The following DPP10 variants were observed in gnomAD, a reference collection of about 807,000 sequenced individuals.
DPP10 encodes inactive dipeptidyl peptidase 10.
A neutral mutation model predicts 120.9 loss-of-function variants in DPP10; 33 were observed. The ratio of observed to expected loss-of-function variants is 0.27; its 90% CI spans 0.21 to 0.37. The LOEUF (loss-of-function observed/expected upper bound fraction) is 0.37. DPP10 is among the 10% of genes least tolerant of loss of function. DPP10 has a pLI of 1.00. For missense variants in DPP10, 816 were observed against 942.8 expected (o/e 0.87, Z 1.76); for synonymous variants, 337 against 326.1 (o/e 1.03, Z -0.36).
At chr2:115,270,888 G>GTT (rs61252278) in intron 1 of DPP10, among the ~76,000 whole-genome samples, 2 of 111,926 alleles carry the variant, frequency 1.8e-5, no homozygotes, top group Non-Finnish European at 3.7e-5. Flanking sequence ...TCTTTATATT[G>GTT]TTTTTTTTTA....
rs139160098 is a variant in DPP10 at position 114,652,485 on chromosome 2, A to G, written c.60+209647A>G. On this transcript the variant is annotated intron_variant, in intron 1 of 25. Coordinates refer to ENST00000410059, the MANE Select transcript of DPP10 (RefSeq NM_020868.6). ...GTAGCTGGCATTAAATTAGTCCTGT[A>G]GAATGTGTTTGGAGATCATGTTGAT... Among the ~76,000 whole-genome samples the G allele has an allele frequency of 1.6e-3, 243 of 152,292 alleles. 2 individuals are homozygous for G. Among genetic ancestry groups the G allele is most frequent in the African/African-American group, 5.5e-3 (227 of 41,564 alleles).
chr2:115,325,110 G>A (rs1023874316), intron 2 of DPP10, among the ~76,000 whole-genome samples: 9 of 152,030 alleles, frequency 5.9e-5, no homozygotes, highest in East Asian at 3.9e-4. Flanking sequence ...GAGAATTACC[G>A]AAGTTTGACA....
intron 3 of DPP10, among the ~76,000 whole-genome samples, chr2:115,412,218 G>T (rs2104588950): frequency 6.6e-6 from 1 of 152,272 alleles, no homozygotes; most frequent in South Asian, 2.1e-4. Flanking sequence ...AGAAGCGCCT[G>T]TGTGGCAACT....
intron 3 of DPP10, among the ~76,000 whole-genome samples, chr2:115,403,661 C>T (rs1574728066): frequency 1.3e-5 from 2 of 152,104 alleles, no homozygotes; most frequent in Non-Finnish European, 1.5e-5. Flanking sequence ...GCTTCAGCCT[C>T]CCAAAGTGCT....
chr2:114,460,106 A>G (rs1200057666), intron 1 of DPP10, among the ~76,000 whole-genome samples: 1 of 152,194 alleles, frequency 6.6e-6, no homozygotes, highest in African/African-American at 2.4e-5. Context: ...GCTGGATATG[A>G]AAATAAATAG....
chr2:115,429,698 G>T (rs1167359350), intron 3 of DPP10, among the ~76,000 whole-genome samples: 1 of 151,334 alleles, frequency 6.6e-6, no homozygotes, highest in Non-Finnish European at 1.5e-5. Context: ...CCTTCGTTTG[G>T]TTCACTTTGT....
At chr2:115,283,264 C>G (rs1207836712) in intron 1 of DPP10, among the ~76,000 whole-genome samples, 1 of 151,934 alleles carries the variant, frequency 6.6e-6, no homozygotes, top group Non-Finnish European at 1.5e-5. Context: ...ATATTACCAC[C>G]TTAACAGCTT....
intron 1 of DPP10, among the ~76,000 whole-genome samples, chr2:115,154,113 T>G (rs374804733): frequency 1.3e-5 from 2 of 152,196 alleles, no homozygotes; most frequent in African/African-American, 4.8e-5. Context: ...GCAGTATATA[T>G]AGTCTAGAGG....
intron 1 of DPP10, among the ~76,000 whole-genome samples, chr2:115,271,701 A>T (rs2059707298): frequency 6.6e-6 from 1 of 152,184 alleles, no homozygotes; most frequent in African/African-American, 2.4e-5. Flanking sequence ...CATAGGTAAA[A>T]AAACTTTTAA....
rs1412444210 is a variant in DPP10, at chr2:115,392,792, GTCA to G, written c.271+48885_271+48887del. On this transcript the variant is annotated intron_variant, in intron 3 of 25. Transcript: ENST00000410059. The stretch of plus-strand genomic sequence containing the variant: ...GACAGATTAATTCTTTATATTCATA[GTCA>G]TCATTAAATGAGTTTTTCAGTATGG... Among the ~76,000 whole-genome samples the G allele has an allele frequency of 8.5e-4, 130 of 152,116 alleles. 2 individuals are homozygous for G. The highest frequency in any genetic ancestry group is 1.9e-4 in the Non-Finnish European group (13 of 67,982).
At chr2:115,455,225 A>C in intron 3 of DPP10, among the ~76,000 whole-genome samples, 1 of 152,000 alleles carries the variant, frequency 6.6e-6, no homozygotes, top group South Asian at 2.1e-4. Context: ...GAAGATGGCA[A>C]TTCTCCCAAA....
intron 7 of DPP10, among the ~76,000 whole-genome samples, chr2:115,708,572 T>C (rs769751275): frequency 2.6e-5 from 4 of 152,028 alleles, no homozygotes; most frequent in African/African-American, 7.2e-5. Flanking sequence ...ACAAAGCTTG[T>C]CCACTAACTT....
intron 2 of DPP10, among the ~76,000 whole-genome samples, chr2:115,314,845 A>T (rs2061718345): frequency 6.6e-6 from 1 of 152,164 alleles, no homozygotes; most frequent in Non-Finnish European, 1.5e-5. Flanking sequence ...AAACATAGGC[A>T]GCCCTATTCA....
At chr2:115,299,084 T>C (rs1476471651) in intron 1 of DPP10, among the ~76,000 whole-genome samples, 1 of 152,038 alleles carries the variant, frequency 6.6e-6, no homozygotes, top group Admixed American at 6.6e-5. Flanking sequence ...AGATTGTCTG[T>C]CTGAATAATG....
At chr2:114,677,912 C>T (rs1350179940) in intron 1 of DPP10, among the ~76,000 whole-genome samples, 2 of 151,892 alleles carry the variant, frequency 1.3e-5, no homozygotes, top group East Asian at 1.9e-4. Context: ...AAAGGCACAC[C>T]CAACCACCAA....
At chr2:115,675,190 A>G (rs1444795569) in intron 5 of DPP10, among the ~76,000 whole-genome samples, 1 of 152,194 alleles carries the variant, frequency 6.6e-6, no homozygotes, top group African/African-American at 2.4e-5. Context: ...TCAAGTTTTC[A>G]GTGTAAATGC....
intron 1 of DPP10, among the ~76,000 whole-genome samples, chr2:114,995,804 T>C (rs1701043103): frequency 6.6e-6 from 1 of 152,238 alleles, no homozygotes; most frequent in Non-Finnish European, 1.5e-5. Context: ...CAACATAAAC[T>C]GCATCGATCA....
At chr2:115,496,665 C>T (rs954488348) in intron 3 of DPP10, among the ~76,000 whole-genome samples, 2 of 152,142 alleles carry the variant, frequency 1.3e-5, no homozygotes, top group African/African-American at 4.8e-5. Flanking sequence ...TTCTTTCTCT[C>T]TAACACCACA....
intron 1 of DPP10, among the ~76,000 whole-genome samples, chr2:114,949,427 T>C (rs1340635600): frequency 6.6e-6 from 1 of 152,154 alleles, no homozygotes; most frequent in Non-Finnish European, 1.5e-5. Flanking sequence ...CTAGTACCTA[T>C]TGTTAACCAC....
Sources: gnomAD v4.1 joint callset for allele counts (sites outside exome capture counted in the v4.1 genomes callset) on GRCh38, gnomAD v4.1.1 for gene constraint, MANE v1.5 for transcripts, NCBI Gene and HGNC (gene_info 2026-07-23, HGNC 2026-07-21) for gene names.